Variants in HAUS1 observed in about 807,000 individuals in gnomAD.
HAUS1 encodes HAUS augmin-like complex subunit 1.
In HAUS1, 25 loss-of-function variants were observed where a neutral mutation model predicts 38.6. The ratio of observed to expected loss-of-function variants is 0.65; its 90% confidence interval spans 0.47 to 0.91. HAUS1 has a LOEUF of 0.91. HAUS1 is among the 40% of genes least tolerant of loss of function. HAUS1 has a pLI of 0.00. For missense variants in HAUS1, 325 were observed against 328.4 expected, an observed-to-expected ratio of 0.99 and a Z score of 0.08; for synonymous variants, 109 against 112.9, an observed-to-expected ratio of 0.97 and a Z score of 0.22.
intron 2 of HAUS1, among the ~76,000 whole-genome samples, chr18:46,113,034 T>TAATATATATATTCCATATATATGG (rs1911709564): frequency 5.1e-5 from 3 of 58,584 alleles, no homozygotes; most frequent in Admixed American, 1.7e-4. Flanking sequence ...ATTATATATA[T>TAATATATATATTCCATATATATGG]AATATATATA....
At chr18:46,118,444 A>T in intron 3 of HAUS1, 128 bp downstream of exon 3, 1 of 794,034 alleles carries the variant, frequency 1.3e-6, no homozygotes, top group Non-Finnish European at 2.0e-6. Flanking sequence ...TAGTTACTTC[A>T]TGTCTTTGCC....
chr18:46,124,927 T>A (rs1476301829), intron 7 of HAUS1, 34 bp downstream of exon 7: 1 of 1,174,610 alleles, frequency 8.5e-7, no homozygotes, highest in Middle Eastern at 1.9e-4. Flanking sequence ...AACAATTATT[T>A]CCTCCAACCT....
rs369900744 is a variant in HAUS1 at position 46,118,218 on chromosome 18, T to C, written c.243T>C (p.Asn81=). ...AAGACCTTCTCATGGAGAGTGTGAA[T>C]TTTTCCCCCGCCAATCTCTCTAGCA... ...YLQDLLMESV[N]FSPANLSSTG... is the part of the protein sequence containing the mutation. Residue 81 remains asparagine, a synonymous_variant, in exon 3 of 9, where the codon AAT becomes AAC. Coordinates refer to ENST00000282058, the MANE Select transcript of HAUS1 (RefSeq NM_138443.4). 2 of 1,612,068 alleles carry C rather than the reference T, an allele frequency of 1.2e-6. No homozygotes were observed. Among genetic ancestry groups the C allele is most frequent in the Non-Finnish European group, 1.7e-6 (2 of 1,179,766 alleles).
intron 2 of HAUS1, among the ~76,000 whole-genome samples, chr18:46,107,166 C>T (rs917724382): frequency 6.6e-6 from 1 of 152,074 alleles, no homozygotes; most frequent in Non-Finnish European, 1.5e-5. Context: ...AGTTCCATCA[C>T]CCCAAAAACC....
At chr18:46,122,639 T>TA in intron 5 of HAUS1, 49 bp downstream of exon 5, 1 of 1,603,614 alleles carries the variant, frequency 6.2e-7, no homozygotes, top group South Asian at 1.1e-5. Context: ...CCTGATTTTT[T>TA]ACCATCATCC....
At chr18:46,115,776 C>A (rs919262011) in intron 2 of HAUS1, among the ~76,000 whole-genome samples, 19 of 152,250 alleles carry the variant, frequency 1.2e-4, no homozygotes, top group African/African-American at 4.6e-4. Flanking sequence ...ATAAATTAGA[C>A]ATCATCAAAA....
At chr18:46,110,847 A>ACAGGTAGTTT (rs140859974) in intron 2 of HAUS1, among the ~76,000 whole-genome samples, 10,660 of 148,992 alleles carry the variant, frequency 0.072, 477 homozygotes, top group African/African-American at 0.13. Flanking sequence ...TTTGTAAGTA[A>ACAGGTAGTTT]CAGGTAGTTT....
rs769444155 is a variant in HAUS1, at chr18:46,105,290, C to T, written c.127C>T (p.Arg43Cys). The T allele has an allele frequency of 4.3e-6, 7 of 1,613,404 alleles. No homozygotes were observed. In the South Asian group the frequency reaches 5.5e-5, roughly 13 times the overall value. The change falls in exon 2 of 9, where the codon CGC (arginine) becomes TGC (cysteine). Residue 43 changes from arginine (R) to cysteine (C), a missense_variant. By Grantham distance (180) the Arg-to-Cys change is radical (BLOSUM62 -3). Coordinates refer to ENST00000282058, the MANE Select transcript of HAUS1 (RefSeq NM_138443.4). ...AGAGATTTTACATCACCTTTCAGAA[C>T]GCAACAGGGTCCGGGACAGGGATGT... ...TTEILHHLSERNRVRDRDVYL... is the reference protein window; with the variant it reads ...TTEILHHLSECNRVRDRDVYL...
chr18:46,125,689 C>T (rs1912084295), intron 7 of HAUS1, 55 bp from the exon 8 acceptor site: 1 of 1,225,368 alleles, frequency 8.2e-7, no homozygotes, highest in African/African-American at 1.5e-5. Context: ...TTATTTTTCT[C>T]CTTGGGTCTG....
chr18:46,112,572 TC>T (rs1417002995), intron 2 of HAUS1, among the ~76,000 whole-genome samples: 1 of 10,024 alleles, frequency 1.0e-4, no homozygotes, highest in African/African-American at 4.9e-4. Flanking sequence ...GTATATATAT[TC>T]CATATTATAT....
At chr18:46,115,364 C>T (rs1237502314) in intron 2 of HAUS1, 1 of 151,260 alleles carries the variant, frequency 6.6e-6, no homozygotes, top group East Asian at 1.9e-4. Flanking sequence ...GGGGCTGAGG[C>T]AGGAGGATCA....
At chr18:46,105,499 C>T in intron 2 of HAUS1, 131 bp downstream of exon 2, 1 of 706,534 alleles carries the variant, frequency 1.4e-6, no homozygotes. Context: ...TTTTCTTCCA[C>T]TCTGTTATAG....
chr18:46,114,061 T>C (rs2144254088), intron 2 of HAUS1, among the ~76,000 whole-genome samples: 1 of 152,342 alleles, frequency 6.6e-6, no homozygotes, highest in Non-Finnish European at 1.5e-5. Context: ...TAAACTGCTC[T>C]ACGAGCAATT....
Position 46,122,526 on chromosome 18 carries a change from G to C in HAUS1, c.536G>C (p.Arg179Pro). The C allele has an allele frequency of 6.2e-7, 1 of 1,614,038 alleles. No homozygotes were observed. The highest frequency in any genetic ancestry group is 8.5e-7 in the Non-Finnish European group (1 of 1,179,948). The change falls in exon 5 of 9, where the codon CGT becomes CCT. Residue 179 changes from arginine (R) to proline (P), a missense_variant. Physicochemically the swap from Arg to Pro is moderately radical, Grantham distance 103 (BLOSUM62 -2). Coordinates refer to ENST00000282058, the MANE Select transcript of HAUS1 (RefSeq NM_138443.4). ...STERAKVDNR[R>P]QNMDFLKAKS... The stretch of plus-strand genomic sequence containing the variant: ...GAAAGGGCCAAAGTTGATAATCGTC[G>C]TCAGAACATGGACTTTCTAAAAGCA...
At chr18:46,118,083 G>T (rs141749201) in intron 2 of HAUS1, 98 bp from the exon 3 acceptor site, 13 of 1,124,104 alleles carry the variant, frequency 1.2e-5, no homozygotes, top group Middle Eastern at 5.9e-4. Flanking sequence ...CATACCTTAG[G>T]TGGGTGGATT....
intron 2 of HAUS1, among the ~76,000 whole-genome samples, chr18:46,116,953 CA>C (rs1911812351): frequency 6.6e-6 from 1 of 152,096 alleles, no homozygotes; most frequent in African/African-American, 2.4e-5. Flanking sequence ...TCCTGGATGA[CA>C]GAGTGAGACC....
At chr18:46,117,803 G>A (rs1433928566) in intron 2 of HAUS1, among the ~76,000 whole-genome samples, 4 of 151,938 alleles carry the variant, frequency 2.6e-5, no homozygotes, top group Non-Finnish European at 4.4e-5. Flanking sequence ...AAAATTAGCT[G>A]GGCATGGTGG....
At chr18:46,127,287 G>C (rs113534028) in intron 8 of HAUS1, among the ~76,000 whole-genome samples, 2,663 of 151,946 alleles carry the variant, frequency 0.018, 70 homozygotes, top group African/African-American at 0.06. Context: ...TATACTTTTT[G>C]ATCAGGTTAG....
At chr18:46,127,850 A>C (rs1472415144) in intron 8 of HAUS1, among the ~76,000 whole-genome samples, 2 of 152,016 alleles carry the variant, frequency 1.3e-5, no homozygotes, top group African/African-American at 4.8e-5. Context: ...CCTTCCCTTC[A>C]CATATTTCTT....
Sources: allele counts gnomAD v4.1 joint callset (sites outside exome capture counted in the v4.1 genomes callset), GRCh38; gene constraint gnomAD v4.1.1; transcripts MANE v1.5; gene names NCBI Gene and HGNC (gene_info 2026-07-23, HGNC 2026-07-21).